Variants in ATP8A2 observed in about 807,000 individuals in gnomAD.
The protein encoded by ATP8A2 is phospholipid-transporting ATPase IB.
A neutral mutation model predicts 165.6 loss-of-function variants in ATP8A2; 100 were observed. The ratio of observed to expected loss-of-function variants is 0.60; its 90% CI spans 0.51 to 0.71. ATP8A2 has a LOEUF of 0.71. Ranked by LOEUF, ATP8A2 falls within the 30% of genes least tolerant of loss-of-function variation. The pLI is 0.00. For missense variants in ATP8A2, 1,227 were observed against 1,479.5 expected, an observed-to-expected ratio of 0.83 and a Z score of 2.80; for synonymous variants, 543 against 548.8, an observed-to-expected ratio of 0.99 and a Z score of 0.15.
chr13:25,421,756 T>A (rs1057101286), intron 1 of ATP8A2, among the ~76,000 whole-genome samples: 3 of 152,234 alleles, frequency 2.0e-5, no homozygotes, highest in African/African-American at 7.2e-5. Flanking sequence ...AACATGGAGT[T>A]TGATCTATAT....
At chr13:25,927,136 C>T (rs897652593) in intron 33 of ATP8A2, 10 of 456,646 alleles carry the variant, frequency 2.2e-5, no homozygotes, top group African/African-American at 8.0e-5. Flanking sequence ...TGTCCTGATA[C>T]GAGCACACAA....
intron 1 of ATP8A2, among the ~76,000 whole-genome samples, chr13:25,429,097 G>A (rs1193362757): frequency 2.0e-5 from 3 of 152,122 alleles, no homozygotes; most frequent in African/African-American, 7.2e-5. Context: ...GCCGGGCACC[G>A]TGGCTCATGC....
intron 1 of ATP8A2, among the ~76,000 whole-genome samples, chr13:25,444,145 A>T (rs188354242): frequency 1.0e-3 from 158 of 152,258 alleles, no homozygotes; most frequent in African/African-American, 3.7e-3. Context: ...TCTCATCCAT[A>T]GATTAGTTTG....
At chr13:25,728,999 A>T (rs962214332) in intron 25 of ATP8A2, among the ~76,000 whole-genome samples, 2 of 152,078 alleles carry the variant, frequency 1.3e-5, no homozygotes, top group Non-Finnish European at 2.9e-5. Flanking sequence ...TTCCTCTTGC[A>T]TTCTTAAAAA....
At chr13:25,723,961 A>C (rs2043439602) in intron 25 of ATP8A2, among the ~76,000 whole-genome samples, 1 of 152,158 alleles carries the variant, frequency 6.6e-6, no homozygotes, top group African/African-American at 2.4e-5. Flanking sequence ...TTGAAGATGG[A>C]GGAGAATGCG....
Position 25,559,717 on chromosome 13 carries a change from G to T in ATP8A2, c.1353-4G>T. ...GACCACTCTGTTTTCCGTTTCTCTGGCAGTCACTTCCCAGAATTGGCAAGA... is the reference window on the plus strand; with the variant it reads ...GACCACTCTGTTTTCCGTTTCTCTGTCAGTCACTTCCCAGAATTGGCAAGA... On this transcript the variant is annotated splice_polypyrimidine_tract_variant and splice_region_variant and intron_variant, in intron 14 of 36. Coordinates refer to ENST00000381655, the MANE Select transcript of ATP8A2 (RefSeq NM_016529.6). The T allele has an allele frequency of 1.2e-6, 2 of 1,612,764 alleles. No individual in the cohort carries two copies. The highest frequency in any genetic ancestry group is 1.7e-6 in the Non-Finnish European group (2 of 1,178,976).
chr13:25,678,045 A>G (rs1172354524), intron 24 of ATP8A2, among the ~76,000 whole-genome samples: 1 of 152,204 alleles, frequency 6.6e-6, no homozygotes, highest in African/African-American at 2.4e-5. Flanking sequence ...TTTAAGATGA[A>G]CAGAACATGA....
intron 2 of ATP8A2, among the ~76,000 whole-genome samples, chr13:25,480,739 C>G (rs993028700): frequency 1.1e-4 from 17 of 151,266 alleles, no homozygotes; most frequent in Non-Finnish European, 2.1e-4. Context: ...ACGCTCCTCA[C>G]TTCCTAGACG....
Position 25,525,283 on chromosome 13 carries a change from C to T in ATP8A2, c.222-4716C>T, listed in dbSNP as rs1042350713. Among the ~76,000 whole-genome samples, 4 of 151,914 alleles carry T rather than the reference C, an allele frequency of 2.6e-5. No homozygotes were observed. The East Asian group carries it at 5.8e-4, about 22-fold the overall frequency. On this transcript the variant is annotated intron_variant, in intron 2 of 36. Transcript: ENST00000381655. ...TTTAGCAGGTTTCTGTATGTGTTTT[C>T]GTTTTTGATAGATTTGTCTTTTGGG...
intron 29 of ATP8A2, among the ~76,000 whole-genome samples, chr13:25,838,706 C>T (rs1374235313): frequency 6.6e-6 from 1 of 151,906 alleles, no homozygotes; most frequent in African/African-American, 2.4e-5. Flanking sequence ...ATGATAATTT[C>T]CAGGGACAAC....
At chr13:25,465,753 C>CTCTCTT (rs2035645502) in intron 1 of ATP8A2, among the ~76,000 whole-genome samples, 1 of 49,422 alleles carries the variant, frequency 2.0e-5, no homozygotes, top group Non-Finnish European at 3.9e-5. Flanking sequence ...CCCTCCCTCT[C>CTCTCTT]TCTCTCTCTT....
intron 35 of ATP8A2, among the ~76,000 whole-genome samples, chr13:25,969,130 T>C (rs1379386741): frequency 6.6e-6 from 1 of 152,158 alleles, no homozygotes; most frequent in East Asian, 1.9e-4. Context: ...CTTCAGCATA[T>C]CTAAATGGGG....
At chr13:25,952,029 T>C (rs1980742) in intron 33 of ATP8A2, among the ~76,000 whole-genome samples, 110,193 of 152,012 alleles carry the variant, frequency 0.72, 40,133 homozygotes, top group East Asian at 0.8. Flanking sequence ...ATTTAAACAT[T>C]GGGATCGGGT....
At chr13:25,468,151 A>G (rs2137515112) in intron 1 of ATP8A2, among the ~76,000 whole-genome samples, 1 of 152,282 alleles carries the variant, frequency 6.6e-6, no homozygotes, top group East Asian at 1.9e-4. Context: ...GAACGTCTCA[A>G]GTGAAGGTTA....
chr13:25,776,817 G>A (rs1307286854), intron 27 of ATP8A2, among the ~76,000 whole-genome samples: 3 of 152,128 alleles, frequency 2.0e-5, no homozygotes, highest in Non-Finnish European at 2.9e-5. Context: ...TGGCTTTCAC[G>A]GTTTCTTAAT....
At chr13:25,906,567 G>A (rs772884931) in intron 33 of ATP8A2, among the ~76,000 whole-genome samples, 9 of 151,706 alleles carry the variant, frequency 5.9e-5, no homozygotes, top group Non-Finnish European at 1.3e-4. Context: ...TGTATGAAAC[G>A]CTCCCCCGCC....
chr13:25,553,475 C>G (rs1009561946), intron 11 of ATP8A2, among the ~76,000 whole-genome samples: 1 of 152,190 alleles, frequency 6.6e-6, no homozygotes, highest in African/African-American at 2.4e-5. Flanking sequence ...TACATTCTTT[C>G]AAGTTTGCTT....
At position 25,856,720 on chromosome 13, in the gene ATP8A2, C is replaced by T. The variant is rs548341210; in HGVS notation, c.2957-3475C>T. On this transcript the variant is annotated intron_variant, in intron 30 of 36. Transcript: ENST00000381655. ...AAATTTTCATCACCCCAAACTGAAA[C>T]TCTGTGCTCATTAAGCAATAACTCC... is the stretch of plus-strand genomic sequence containing the variant. Among the ~76,000 whole-genome samples, 8 of 152,326 alleles carry T rather than the reference C, an allele frequency of 5.3e-5. No individual in the cohort carries two copies. In the South Asian group the frequency reaches 1.2e-3, roughly 24 times the overall value.
At chr13:25,885,298 A>C (rs1291750266) in intron 33 of ATP8A2, among the ~76,000 whole-genome samples, 1 of 151,696 alleles carries the variant, frequency 6.6e-6, no homozygotes, top group Non-Finnish European at 1.5e-5. Context: ...TCATTAGTAG[A>C]GATGGCGTTT....
Sources: allele counts gnomAD v4.1 joint callset (sites outside exome capture counted in the v4.1 genomes callset), GRCh38; gene constraint gnomAD v4.1.1; transcripts MANE v1.5; gene names NCBI Gene and HGNC (gene_info 2026-07-23, HGNC 2026-07-21).